Variants in COL4A5 observed in about 807,000 individuals in gnomAD.
COL4A5 encodes the protein collagen alpha-5(IV) chain.
A neutral mutation model predicts 130.2 loss-of-function variants in COL4A5; 26 were observed. The ratio of observed to expected loss-of-function variants is 0.20; its 90% CI spans 0.15 to 0.28. The LOEUF (loss-of-function observed/expected upper bound fraction) is 0.28, where lower values mean the gene tolerates loss of function less well. Among genes scored for constraint, COL4A5 ranks in the 10% least tolerant of loss-of-function variants. The probability of loss-of-function intolerance (pLI) is 1.00; values close to 1 mark genes in which losing one functional copy is unlikely to be tolerated. For missense variants in COL4A5, 1,131 were observed against 1,344.3 expected (o/e 0.84, Z 2.48); for synonymous variants, 496 against 439.6 (o/e 1.13, Z -1.60).
chrX:108,444,765 A>G (rs762306897), intron 1 of COL4A5, among the ~76,000 whole-genome samples: 219 of 112,048 alleles, frequency 2.0e-3, no homozygotes, highest in African/African-American at 6.8e-3. Flanking sequence ...ATATATGTCA[A>G]AATCATGGAT....
chrX:108,670,085 A>G (rs999595105), intron 41 of COL4A5, 143 bp from the exon 42 acceptor site: 3 of 643,570 alleles, frequency 4.7e-6, no homozygotes, highest in Non-Finnish European at 7.1e-6. Context: ...GAACTTTCAG[A>G]GTATTCTTTT....
chrX:108,567,992 A>G (rs1368561710), intron 4 of COL4A5, among the ~76,000 whole-genome samples: 1 of 111,923 alleles, frequency 8.9e-6, no homozygotes, highest in Admixed American at 9.5e-5. Context: ...TAATGCTGCA[A>G]TTGTTAACTT....
intron 36 of COL4A5, among the ~76,000 whole-genome samples, chrX:108,632,734 A>G (rs1453751804): frequency 8.9e-6 from 1 of 111,899 alleles, no homozygotes; most frequent in Non-Finnish European, 1.9e-5. Flanking sequence ...CAAAAACCAC[A>G]TGATTATCTC....
At chrX:108,547,492 G>T (rs1432010582) in intron 2 of COL4A5, among the ~76,000 whole-genome samples, 1 of 111,520 alleles carries the variant, frequency 9.0e-6, no homozygotes, top group Admixed American at 9.5e-5. Flanking sequence ...AGGGGTACCC[G>T]GCCGTGTGAG....
At chrX:108,626,512 T>C (rs2067157846) in intron 36 of COL4A5, 163 bp downstream of exon 36, 1 of 1,153,341 alleles carries the variant, frequency 8.7e-7, no homozygotes, top group Non-Finnish European at 1.2e-6. Flanking sequence ...TAAGAAGATA[T>C]GTTTTAGGGT....
At chrX:108,630,017 A>T (rs150116670) in intron 36 of COL4A5, among the ~76,000 whole-genome samples, 10,313 of 111,372 alleles carry the variant, frequency 0.093, 1,092 homozygotes, top group African/African-American at 0.31. Flanking sequence ...ATAGTATTCC[A>T]TGGTGTATAT....
chrX:108,585,688 C>G (rs1191946276), intron 18 of COL4A5, among the ~76,000 whole-genome samples: 1 of 110,912 alleles, frequency 9.0e-6, no homozygotes, highest in Non-Finnish European at 1.9e-5. Context: ...CTTTATAGGT[C>G]TATAAGAAGA....
intron 36 of COL4A5, among the ~76,000 whole-genome samples, chrX:108,654,238 C>T (rs2067790940): frequency 8.9e-6 from 1 of 112,462 alleles, no homozygotes; most frequent in African/African-American, 3.2e-5. Flanking sequence ...TTCTAAGGCT[C>T]TATTGGAAAA....
intron 25 of COL4A5, among the ~76,000 whole-genome samples, chrX:108,600,307 G>A (rs942886272): frequency 6.3e-5 from 7 of 111,372 alleles, no homozygotes; most frequent in Non-Finnish European, 1.3e-4. Flanking sequence ...TCTTTGTTTG[G>A]TGTCTTCAAT....
At chrX:108,543,415 T>G (rs1253197582) in intron 2 of COL4A5, among the ~76,000 whole-genome samples, 2 of 111,411 alleles carry the variant, frequency 1.8e-5, no homozygotes, top group African/African-American at 3.3e-5. Context: ...ATCAGAAAGT[T>G]GTAGATGTGT....
intron 36 of COL4A5, among the ~76,000 whole-genome samples, chrX:108,647,906 C>T (rs2067635335): frequency 9.0e-6 from 1 of 111,691 alleles, no homozygotes; most frequent in African/African-American, 3.3e-5. Flanking sequence ...AATGTTGAAC[C>T]AGCCTTGCAT....
At chrX:108,606,623 T>TC (rs2066731995) in intron 28 of COL4A5, 119 bp from the exon 29 acceptor site, 1 of 752,292 alleles carries the variant, frequency 1.3e-6, no homozygotes, top group Admixed American at 2.3e-5. Flanking sequence ...TCTTCTCCTC[T>TC]CCCCCCATGG....
intron 1 of COL4A5, among the ~76,000 whole-genome samples, chrX:108,510,259 G>A (rs1027078192): frequency 2.6e-4 from 29 of 111,081 alleles, no homozygotes; most frequent in Non-Finnish European, 3.6e-4. Context: ...CCCGTGACAA[G>A]ACTTTACCAA....
In COL4A5 at chrX:108,625,719, C is replaced by A; in HGVS notation, c.3031C>A (p.Pro1011Thr). The A allele has an allele frequency of 8.3e-7, 1 of 1,201,678 alleles. No homozygotes were observed. The highest frequency in any genetic ancestry group is 3.0e-5 in the East Asian group (1 of 33,767). ...LPGPPGPKGN[P>T]GLPGQPGLIG... ...GACCTTTCTAGGTCCCAAAGGTAAC[C>A]CTGGTCTCCCTGGACAGCCAGGTCT... is the stretch of plus-strand genomic sequence containing the variant. Residue 1011 changes from proline to threonine, a missense_variant, in exon 35 of 53, where the codon CCT (proline) becomes ACT (threonine). Physicochemically the swap from Pro to Thr is conservative, Grantham distance 38. Transcript: ENST00000328300.
At chrX:108,524,536 T>C (rs1439495754) in intron 1 of COL4A5, among the ~76,000 whole-genome samples, 1 of 111,190 alleles carries the variant, frequency 9.0e-6, no homozygotes, top group Non-Finnish European at 1.9e-5. Context: ...TCCTTCTTTC[T>C]ACTTGTTTTG....
At chrX:108,502,702 A>G (rs1001755724) in intron 1 of COL4A5, among the ~76,000 whole-genome samples, 1 of 111,781 alleles carries the variant, frequency 8.9e-6, no homozygotes, top group East Asian at 2.8e-4. Flanking sequence ...TTAATAAATT[A>G]TTACCAAGTA....
intron 17 of COL4A5, among the ~76,000 whole-genome samples, chrX:108,584,033 T>A (rs936142115): frequency 9.7e-6 from 1 of 103,526 alleles, no homozygotes; most frequent in Non-Finnish European, 2.0e-5. Flanking sequence ...ACTACATTTA[T>A]GTCCTTGACT....
chrX:108,580,919 T>C, intron 15 of COL4A5, 64 bp from the exon 16 acceptor site: 1 of 1,099,817 alleles, frequency 9.1e-7, no homozygotes, highest in Non-Finnish European at 1.3e-6. Context: ...TTATATTCTT[T>C]AACTTTATGC....
intron 1 of COL4A5, among the ~76,000 whole-genome samples, chrX:108,528,194 C>T (rs778524106): frequency 3.8e-4 from 43 of 111,981 alleles, no homozygotes; most frequent in Non-Finnish European, 6.8e-4. Context: ...GTTCCAGTCC[C>T]CAGCACAACT....
Sources: allele counts gnomAD v4.1 joint callset (sites outside exome capture counted in the v4.1 genomes callset), GRCh38; gene constraint gnomAD v4.1.1; transcripts MANE v1.5; gene names NCBI Gene and HGNC (gene_info 2026-07-23, HGNC 2026-07-21).